Variants in MAP1B observed in about 807,000 individuals in gnomAD.
MAP1B encodes the protein microtubule associated protein 1B.
MAP1B carries 12 observed loss-of-function variants against 176.1 expected under a neutral mutation model. The ratio of observed to expected loss-of-function variants is 0.07; its 90% CI spans 0.04 to 0.11. The LOEUF is 0.11. Ranked by LOEUF, MAP1B falls within the 10% of genes least tolerant of loss-of-function variation. MAP1B has a pLI of 1.00. For synonymous variants in MAP1B, 1,044 were observed against 1,135.0 expected, an observed-to-expected ratio of 0.92 and a Z score of 1.61; for missense variants, 2,523 against 2,990.5, an observed-to-expected ratio of 0.84 and a Z score of 3.65.
chr5:72,161,956 CAAAAAAAAAAAAAAAAA>C (rs4043357), intron 2 of MAP1B, among the ~76,000 whole-genome samples: 1 of 85,024 alleles, frequency 1.2e-5, no homozygotes. Flanking sequence ...AATTCCGTCT[CAAAAAAAAAAAAAAAAA>C]AAAGAAAGAA....
At chr5:72,185,279 A>T (rs1746870275) in intron 3 of MAP1B, among the ~76,000 whole-genome samples, 1 of 152,170 alleles carries the variant, frequency 6.6e-6, no homozygotes, top group South Asian at 2.1e-4. Flanking sequence ...CCTGCTTTAG[A>T]TCAGCAGGAC....
chr5:72,131,227 G>A (rs932580536), intron 2 of MAP1B, among the ~76,000 whole-genome samples: 20 of 152,160 alleles, frequency 1.3e-4, no homozygotes, highest in Non-Finnish European at 1.3e-4. Context: ...GATGTGGTAA[G>A]GGGTAAGTAA....
intron 2 of MAP1B, among the ~76,000 whole-genome samples, chr5:72,119,193 C>T (rs1745483252): frequency 6.6e-6 from 1 of 152,318 alleles, no homozygotes. Context: ...TCTTTAAGCT[C>T]TGTCCAACTC....
chr5:72,129,488 C>T (rs1745689537), intron 2 of MAP1B, among the ~76,000 whole-genome samples: 1 of 151,738 alleles, frequency 6.6e-6, no homozygotes, highest in Non-Finnish European at 1.5e-5. Context: ...ACCTGGGAGG[C>T]AGAGGTTGCA....
At position 72,195,139 on chromosome 5, in the gene MAP1B, A is replaced by G. The variant is rs1747125240; in HGVS notation, c.1784A>G (p.Lys595Arg). 1 of 1,613,710 alleles carries G rather than the reference A, an allele frequency of 6.2e-7. No homozygotes were observed. The highest frequency in any genetic ancestry group is 2.2e-5 in the East Asian group (1 of 44,854). ...KVMVKKDKPIKTETKPSVTEK... is the reference protein window; with the variant it reads ...KVMVKKDKPIRTETKPSVTEK... The stretch of plus-strand genomic sequence containing the variant: ...ATGGTGAAAAAAGACAAGCCAATAA[A>G]AACAGAGACCAAACCTTCAGTGACT... The change falls in exon 5 of 7, where the codon AAA becomes AGA. Residue 595 changes from lysine to arginine, a missense_variant. Lys to Arg is a conservative substitution (Grantham distance 26). Transcript: ENST00000296755.
chr5:72,125,893 T>G (rs1745620554), intron 2 of MAP1B, among the ~76,000 whole-genome samples: 1 of 152,180 alleles, frequency 6.6e-6, no homozygotes, highest in African/African-American at 2.4e-5. Flanking sequence ...GAATTCACCC[T>G]TCTGAAATCA....
At chr5:72,125,676 A>T (rs886147586) in intron 2 of MAP1B, among the ~76,000 whole-genome samples, 8 of 152,084 alleles carry the variant, frequency 5.3e-5, no homozygotes, top group African/African-American at 1.9e-4. Context: ...AGGCTATTTT[A>T]AAAAAATCTG....
chr5:72,194,926 A>T lies in MAP1B; in HGVS notation c.1571A>T (p.Gln524Leu). The change falls in exon 5 of 7, where the codon CAG (glutamine) becomes CTG (leucine). Residue 524 changes from glutamine (Q) to leucine (L), a missense_variant. Physicochemically the swap from Gln to Leu is moderately radical, Grantham distance 113 (BLOSUM62 -2). Coordinates refer to ENST00000296755, the MANE Select transcript of MAP1B (RefSeq NM_005909.5). This position sits in a 1 kb window ranked among gnomAD's most constrained non-coding sequence, Gnocchi z 7.2. ...PLATQKDLTG[Q>L]VPTPVVKQTK... is the part of the protein sequence containing the mutation. ...GCCACCCAAAAGGATCTCACTGGCC[A>T]GGTGCCCACTCCTGTGGTGAAACAA... 6.2e-7 allele frequency: 1 copy of T among 1,614,208 alleles called. No homozygotes were observed. The highest frequency in any genetic ancestry group is 1.1e-5 in the South Asian group (1 of 91,080).
intron 2 of MAP1B, among the ~76,000 whole-genome samples, chr5:72,125,827 A>G (rs1396571257): frequency 6.6e-6 from 1 of 152,188 alleles, no homozygotes; most frequent in African/African-American, 2.4e-5. Context: ...GTTTGGAGCT[A>G]CATTTTAGAT....
Position 72,199,716 on chromosome 5 carries a change from A to G in MAP1B, c.6361A>G (p.Lys2121Glu). Residue 2121 changes from lysine (K) to glutamate (E), a missense_variant, in exon 5 of 7, where the codon AAG (lysine) becomes GAG (glutamate). Physicochemically the swap from Lys to Glu is moderately conservative, Grantham distance 56 (BLOSUM62 1). Around this residue, in one of 4 missense-constraint regions of MAP1B, gnomAD observed 1,925 missense variants for 2,126.0 expected, o/e 0.91. Transcript: ENST00000296755. The surrounding 1 kb of genome is among the most constrained non-coding windows in gnomAD (Gnocchi z 4.2). ...ASEEPTEESEKPLTQSGGAPP... is the reference protein window; with the variant it reads ...ASEEPTEESEEPLTQSGGAPP... ...TGAAGAACCCACTGAAGAATCTGAA[A>G]AGCCCCTCACTCAATCAGGGGGAGC... 1 of 1,614,154 alleles carries G rather than the reference A, an allele frequency of 6.2e-7. No individual in the cohort carries two copies. Among genetic ancestry groups the G allele is most frequent in the Non-Finnish European group, 8.5e-7 (1 of 1,180,018 alleles).
intron 2 of MAP1B, 120 bp downstream of exon 2, chr5:72,115,919 T>C (rs1745427385): frequency 1.4e-6 from 1 of 689,906 alleles, no homozygotes; most frequent in African/African-American, 1.8e-5. Context: ...TTTGTATTTG[T>C]TATTATCAAC....
chr5:72,131,689 A>G (rs1412832679), intron 2 of MAP1B, among the ~76,000 whole-genome samples: 3 of 152,206 alleles, frequency 2.0e-5, no homozygotes, highest in African/African-American at 7.2e-5. Context: ...CAGAATGGAA[A>G]GGTTTGTGTT....
At position 72,206,662 on chromosome 5, in the gene MAP1B, T is replaced by C. The variant is rs1161806059; in HGVS notation, c.*1423T>C. On this transcript the variant is annotated 3_prime_UTR_variant, in exon 7 of 7. Coordinates refer to ENST00000296755, the MANE Select transcript of MAP1B (RefSeq NM_005909.5). ...TGAACTTTTTAACAAATGTTTTCATTTACAGGAAATTGCAAAGAAAATTCT... is the reference window on the plus strand; with the variant it reads ...TGAACTTTTTAACAAATGTTTTCATCTACAGGAAATTGCAAAGAAAATTCT... 1 of 152,264 alleles carries C rather than the reference T, an allele frequency of 6.6e-6. No homozygotes were observed. Among genetic ancestry groups the C allele is most frequent in the Non-Finnish European group, 1.5e-5 (1 of 68,038 alleles). 9.4% of individuals were successfully genotyped at this position (152,264 alleles called of 1,614,324 possible). A position where few individuals can be genotyped will look rare whatever the true frequency, so the allele number is the denominator to read the frequency against.
intron 2 of MAP1B, among the ~76,000 whole-genome samples, chr5:72,136,458 C>A (rs1745838845): frequency 6.6e-6 from 1 of 152,152 alleles, no homozygotes; most frequent in Non-Finnish European, 1.5e-5. Context: ...TGTGTCCTCT[C>A]CAAGCTGTCA....
At chr5:72,184,176 C>T (rs180907287) in intron 3 of MAP1B, among the ~76,000 whole-genome samples, 3 of 152,130 alleles carry the variant, frequency 2.0e-5, no homozygotes, top group East Asian at 1.9e-4. Context: ...CCTCAGGCCG[C>T]GACATACAGG....
At chr5:72,149,880 A>G (rs1033140394) in intron 2 of MAP1B, among the ~76,000 whole-genome samples, 8 of 152,200 alleles carry the variant, frequency 5.3e-5, no homozygotes, top group Non-Finnish European at 8.8e-5. Context: ...TTCTCTATGC[A>G]TATTTGGTTT....
intron 2 of MAP1B, among the ~76,000 whole-genome samples, chr5:72,158,799 G>A (rs1393206169): frequency 6.6e-6 from 1 of 152,162 alleles, no homozygotes; most frequent in East Asian, 1.9e-4. Context: ...ACATTTGAAT[G>A]GAGCATAACT....
intron 2 of MAP1B, among the ~76,000 whole-genome samples, chr5:72,150,681 C>G (rs752251820): frequency 6.6e-6 from 1 of 152,126 alleles, no homozygotes; most frequent in African/African-American, 2.4e-5. Flanking sequence ...GGCCCCAGTG[C>G]GTGTTGTTCC....
At chr5:72,145,228 A>ACCTTTTTATTTCTCTGCC in intron 2 of MAP1B, among the ~76,000 whole-genome samples, 1 of 152,176 alleles carries the variant, frequency 6.6e-6, no homozygotes, top group Non-Finnish European at 1.5e-5. Flanking sequence ...GAAATGATAG[A>ACCTTTTTATTTCTCTGCC]AAGATACTAT....
Sources: allele counts gnomAD v4.1 joint callset (sites outside exome capture counted in the v4.1 genomes callset), GRCh38; gene constraint gnomAD v4.1.1; regional missense constraint gnomAD v4.1.1; non-coding constraint Gnocchi (gnomAD v3.1); transcripts MANE v1.5; gene names NCBI Gene and HGNC (gene_info 2026-07-23, HGNC 2026-07-21).